The following ZNF227 variants were observed in gnomAD, a reference collection of about 807,000 sequenced individuals.
ZNF227 encodes the protein zinc finger protein 227.
A neutral mutation model predicts 13.2 loss-of-function variants in ZNF227; 12 were observed. The ratio of observed to expected loss-of-function variants is 0.91; its 90% CI spans 0.58 to 1.47. ZNF227 has a LOEUF of 1.47. Ranked by LOEUF, ZNF227 falls within the 40% of genes most tolerant of loss-of-function variation. The pLI, the probability that ZNF227 is intolerant of heterozygous loss-of-function variation, is 0.00. For missense variants in ZNF227, 885 were observed against 967.5 expected (o/e 0.91, Z 1.13); for synonymous variants, 338 against 326.0 (o/e 1.04, Z -0.40).
At chr19:44,225,612 C>G (rs1373515157) in intron 3 of ZNF227, among the ~76,000 whole-genome samples, 2 of 152,206 alleles carry the variant, frequency 1.3e-5, no homozygotes, top group Non-Finnish European at 2.9e-5. Flanking sequence ...TGGCTTTCAG[C>G]TCCATCAGCT....
upstream of ZNF227, chr19:44,212,384 T>TG (rs1971424265): frequency 7.0e-6 from 1 of 143,382 alleles, no homozygotes; most frequent in Non-Finnish European, 1.5e-5. Context: ...TTTTGTTTTT[T>TG]TTTTTTTCAA....
chr19:44,215,678 A>G (rs1270021688), intron 2 of ZNF227, among the ~76,000 whole-genome samples: 1 of 152,008 alleles, frequency 6.6e-6, no homozygotes, highest in African/African-American at 2.4e-5. Context: ...AAGAATATTG[A>G]GACTAAAAAA....
rs560380424 is a variant in ZNF227, at chr19:44,216,964, T to G, written c.-2-827T>G. Among the ~76,000 whole-genome samples, 382 of 145,820 alleles carry G rather than the reference T, an allele frequency of 2.6e-3. 2 individuals carry two copies. Among genetic ancestry groups the G allele is most frequent in the African/African-American group, 9.0e-3 (354 of 39,196 alleles). ...TGCAAAGTATCATCTGCTTGTTTTT[T>G]TTTTTTTTTTTTTTTTGAGACAGAG... On this transcript the variant is annotated intron_variant, in intron 2 of 5. Transcript: ENST00000313040.
chr19:44,215,989 T>TAAAAAA (rs1276832695), intron 2 of ZNF227, among the ~76,000 whole-genome samples: 1 of 37,388 alleles, frequency 2.7e-5, no homozygotes, highest in Non-Finnish European at 5.7e-5. Flanking sequence ...ACTCTCTCTC[T>TAAAAAA]AAAAAAAAAA....
chr19:44,236,338 CTG>C lies in ZNF227; in HGVS notation c.1911_1912del (p.Cys637TrpfsTer2). ...GAGAGAAGCCATACAAATGTGGTGT[CTG>C]TGGTAAGGGCTTCAGTCAGTCCTCT... Reference protein sequence around the residue: ...TGEKPYKCGVCGKGFSQSSGL... With the variant: ...TGEKPYKCGVXGKGFSQSSGL... On this transcript the variant is annotated frameshift_variant, in exon 6 of 6. Coordinates refer to ENST00000313040, the MANE Select transcript of ZNF227 (RefSeq NM_182490.3). LOFTEE classifies it low-confidence loss of function (END_TRUNC). The C allele has an allele frequency of 6.2e-7, 1 of 1,608,760 alleles. No homozygotes were observed. The highest frequency in any genetic ancestry group is 8.5e-7 in the Non-Finnish European group (1 of 1,178,424).
intron 5 of ZNF227, among the ~76,000 whole-genome samples, chr19:44,232,247 T>C (rs1369837632): frequency 1.3e-5 from 2 of 152,210 alleles, no homozygotes; most frequent in African/African-American, 4.8e-5. Context: ...AGAAGCACTT[T>C]ACATGTTGCA....
intron 3 of ZNF227, among the ~76,000 whole-genome samples, chr19:44,218,086 T>C (rs1244934741): frequency 6.6e-6 from 1 of 152,226 alleles, no homozygotes; most frequent in East Asian, 1.9e-4. Flanking sequence ...CTACCCTGCT[T>C]ATGAACTAGC....
At chr19:44,220,412 G>C (rs550681515) in intron 3 of ZNF227, among the ~76,000 whole-genome samples, 77 of 151,540 alleles carry the variant, frequency 5.1e-4, no homozygotes, top group African/African-American at 1.7e-3. Flanking sequence ...TAAAAGTGTT[G>C]CTATTTCTCC....
chr19:44,234,878 G>A lies in ZNF227; in HGVS notation c.448G>A (p.Glu150Lys), dbSNP rs73553206. The change falls in exon 6 of 6, where the codon GAG becomes AAG. Residue 150 changes from glutamate (E) to lysine (K), a missense_variant. By Grantham distance (56) the Glu-to-Lys change is moderately conservative (BLOSUM62 1). Coordinates refer to ENST00000313040, the MANE Select transcript of ZNF227 (RefSeq NM_182490.3). ...TGACTCTATTCAGGTTTCTGAAAATGAGAACAATATAATGAACCCTAAAGG... is the reference window on the plus strand; with the variant it reads ...TGACTCTATTCAGGTTTCTGAAAATAAGAACAATATAATGAACCCTAAAGG... ...QGDSIQVSEN[E>K]NNIMNPKGDS... 4,797 of 1,613,484 alleles carry A rather than the reference G, an allele frequency of 3.0e-3. 123 individuals are homozygous for A. In the African/African-American group the frequency reaches 0.048, roughly 16 times the overall value.
intron 3 of ZNF227, among the ~76,000 whole-genome samples, chr19:44,223,789 T>C (rs1329979018): frequency 2.0e-5 from 3 of 152,132 alleles, no homozygotes; most frequent in Non-Finnish European, 4.4e-5. Flanking sequence ...ATTTTAGTTA[T>C]TTCTTGCCTT....
upstream of ZNF227, among the ~76,000 whole-genome samples, chr19:44,208,157 T>A (rs942080686): frequency 2.0e-5 from 3 of 152,220 alleles, no homozygotes; most frequent in Non-Finnish European, 4.4e-5. Context: ...TTCCGCCCTA[T>A]GTGTACAGTC....
chr19:44,228,846 C>CT (rs1215487422), intron 4 of ZNF227: 3 of 431,258 alleles, frequency 7.0e-6, no homozygotes, highest in Non-Finnish European at 1.2e-5. Flanking sequence ...CAGAGGGGTG[C>CT]TATTGGCATT....
Position 44,235,805 on chromosome 19 carries a change from A to G in ZNF227, c.1375A>G (p.Thr459Ala). 1.2e-6 allele frequency: 2 copies of G among 1,613,970 alleles called. No individual in the cohort carries two copies. The highest frequency in any genetic ancestry group is 1.7e-6 in the Non-Finnish European group (2 of 1,179,978). ...ATTAATATGCCATCGGAGAGTCCAC[A>G]CAGGAGAGAAGCCATACAAGTGTGA... ...SPLICHRRVH[T>A]GEKPYKCEAC... is the part of the protein sequence containing the mutation. The change falls in exon 6 of 6, where the codon ACA becomes GCA. Residue 459 changes from threonine to alanine, a missense_variant. Physicochemically the swap from Thr to Ala is moderately conservative, Grantham distance 58. Transcript: ENST00000313040.
At chr19:44,233,580 G>A (rs899616557) in intron 5 of ZNF227, among the ~76,000 whole-genome samples, 1 of 152,080 alleles carries the variant, frequency 6.6e-6, no homozygotes, top group South Asian at 2.1e-4. Context: ...GTCAAGCAGG[G>A]TAATTGAACT....
At chr19:44,218,199 G>GT (rs1972090714) in intron 3 of ZNF227, among the ~76,000 whole-genome samples, 1 of 152,086 alleles carries the variant, frequency 6.6e-6, no homozygotes, top group African/African-American at 2.4e-5. Flanking sequence ...CACCTGCATT[G>GT]TAAGTGAGTA....
At chr19:44,224,238 A>G (rs10409672) in intron 3 of ZNF227, among the ~76,000 whole-genome samples, 2,485 of 152,250 alleles carry the variant, frequency 0.016, 66 homozygotes, top group African/African-American at 0.057. Flanking sequence ...AAAAAAATGT[A>G]TATTCTGTTG....
In ZNF227 at chr19:44,235,136, A is replaced by C. The variant is rs775786184; in HGVS notation, c.706A>C (p.Ser236Arg). The C allele has an allele frequency of 6.2e-7, 1 of 1,614,200 alleles. No homozygotes were observed. The highest frequency in any genetic ancestry group is 8.5e-7 in the Non-Finnish European group (1 of 1,180,036). ...CKGNEYGKII[S>R]DGSNQKLPLG... ...AGGTAATGAATATGGCAAAATCATT[A>C]GTGATGGCTCCAATCAGAAATTACC... The change falls in exon 6 of 6, where the codon AGT becomes CGT. Residue 236 changes from serine to arginine, a missense_variant. Physicochemically the swap from Ser to Arg is moderately radical, Grantham distance 110. Transcript: ENST00000313040.
intron 3 of ZNF227, chr19:44,227,293 T>C (rs982413131): frequency 1.3e-5 from 2 of 152,236 alleles, no homozygotes; most frequent in Admixed American, 6.5e-5. Flanking sequence ...TCACCCAGGC[T>C]GGAGTGCAGT....
In ZNF227 at chr19:44,236,589, A is replaced by C. The variant is rs1367599171; in HGVS notation, c.2159A>C (p.Glu720Ala). The change falls in exon 6 of 6, where the codon GAG becomes GCG. Residue 720 changes from glutamate (E) to alanine (A), a missense_variant. Physicochemically the swap from Glu to Ala is moderately radical, Grantham distance 107. Transcript: ENST00000313040. ...HTGEKPHICEECGKAFSLPSN... is the reference protein window; with the variant it reads ...HTGEKPHICEACGKAFSLPSN... The stretch of plus-strand genomic sequence containing the variant: ...GGAGAGAAACCCCATATATGTGAGG[A>C]GTGTGGTAAGGCCTTCAGTCTCCCC... The C allele has an allele frequency of 6.2e-7, 1 of 1,613,864 alleles. No individual in the cohort carries two copies. Among genetic ancestry groups the C allele is most frequent in the South Asian group, 1.1e-5 (1 of 91,046 alleles).
Sources: gnomAD v4.1 joint callset for allele counts (sites outside exome capture counted in the v4.1 genomes callset) on GRCh38, gnomAD v4.1.1 for gene constraint, MANE v1.5 for transcripts, NCBI Gene and HGNC (gene_info 2026-07-23, HGNC 2026-07-21) for gene names.